PLS1: variants seen among roughly 807,000 people sequenced by gnomAD.
PLS1 encodes the protein plastin 1.
A neutral mutation model predicts 73.7 loss-of-function variants in PLS1; 32 were observed. The observed-to-expected ratio is 0.43, with a 90% CI of 0.33 to 0.58. The LOEUF (loss-of-function observed/expected upper bound fraction) is 0.58, where lower values mean the gene tolerates loss of function less well. PLS1 is among the 20% of genes least tolerant of loss of function. The pLI is 0.04. For missense variants in PLS1, 633 were observed against 740.5 expected, an observed-to-expected ratio of 0.85 and a Z score of 1.68; for synonymous variants, 217 against 261.3, an observed-to-expected ratio of 0.83 and a Z score of 1.63.
At chr3:142,645,830 T>G (rs2036941952) in intron 1 of PLS1, among the ~76,000 whole-genome samples, 1 of 152,210 alleles carries the variant, frequency 6.6e-6, no homozygotes, top group African/African-American at 2.4e-5. Flanking sequence ...ACAAAGCTTA[T>G]TTAAATCTTT....
intron 1 of PLS1, chr3:142,597,242 G>T (rs1248774852): frequency 1.3e-5 from 2 of 152,098 alleles, no homozygotes; most frequent in African/African-American, 4.8e-5. Context: ...TCCAGCCACG[G>T]TGTTGGATAC....
chr3:142,663,191 G>C (rs1207535883), intron 1 of PLS1, among the ~76,000 whole-genome samples: 1 of 151,910 alleles, frequency 6.6e-6, no homozygotes, highest in Non-Finnish European at 1.5e-5. Flanking sequence ...CTCCAGCCTG[G>C]GTGAAGAAGT....
In PLS1 at chr3:142,713,659, T is replaced by C. The variant is rs561522879; in HGVS notation, c.*1652T>C. 19 of 152,722 alleles carry C rather than the reference T, an allele frequency of 1.2e-4. No homozygotes were observed. The highest frequency in any genetic ancestry group is 2.4e-4 in the Non-Finnish European group (16 of 67,994). The allele number at this position is 152,722 out of a possible 1,614,324, so 9.5% of individuals were successfully genotyped here. A position where few individuals can be genotyped will look rare whatever the true frequency, so the allele number is the denominator to read the frequency against. On this transcript the variant is annotated 3_prime_UTR_variant, in exon 16 of 16. Coordinates refer to ENST00000457734, the MANE Select transcript of PLS1 (RefSeq NM_001145319.2). ...ATATTTAATAAAAATGCTGTGTATATAGAAATGTGTTTATATTTATTTCAT... is the reference window on the plus strand; with the variant it reads ...ATATTTAATAAAAATGCTGTGTATACAGAAATGTGTTTATATTTATTTCAT...
chr3:142,686,572 C>T (rs1338680749), intron 9 of PLS1, among the ~76,000 whole-genome samples, 196 bp downstream of exon 9: 1 of 152,102 alleles, frequency 6.6e-6, no homozygotes, highest in Non-Finnish European at 1.5e-5. Context: ...CAATAACTCC[C>T]CATTTTCCCC....
intron 1 of PLS1, among the ~76,000 whole-genome samples, chr3:142,600,914 ATATTTTTTTTTT>A (rs2035912758): frequency 5.3e-5 from 1 of 19,028 alleles, no homozygotes; most frequent in African/African-American, 2.7e-4. Flanking sequence ...ATATATATAT[ATATTTTTTTTTT>A]TTTTTTTTTT....
intron 1 of PLS1, among the ~76,000 whole-genome samples, chr3:142,613,045 C>T (rs866366615): frequency 3.3e-5 from 5 of 152,112 alleles, no homozygotes; most frequent in Non-Finnish European, 5.9e-5. Context: ...GGATTACAGG[C>T]GTGAGCCACC....
intron 1 of PLS1, among the ~76,000 whole-genome samples, chr3:142,630,061 T>C (rs147296534): frequency 2.2e-4 from 34 of 152,236 alleles, no homozygotes; most frequent in African/African-American, 5.8e-4. Flanking sequence ...GTAATTTAAC[T>C]GCATCCAAGA....
At chr3:142,653,847 T>G (rs1365605811) in intron 1 of PLS1, among the ~76,000 whole-genome samples, 3 of 152,210 alleles carry the variant, frequency 2.0e-5, no homozygotes, top group Non-Finnish European at 4.4e-5. Context: ...TTACAAAAAA[T>G]CAGTTTAAAT....
chr3:142,645,785 GA>G (rs1016079695), intron 1 of PLS1, among the ~76,000 whole-genome samples: 9 of 151,946 alleles, frequency 5.9e-5, no homozygotes, highest in African/African-American at 2.2e-4. Flanking sequence ...TTTTTCAGAG[GA>G]AAAAAATATG....
chr3:142,700,601 C>T (rs560637208), intron 12 of PLS1, among the ~76,000 whole-genome samples: 32 of 152,306 alleles, frequency 2.1e-4, no homozygotes, highest in African/African-American at 1.4e-4. Context: ...GGATTACAGG[C>T]GTGAGCCACT....
intron 8 of PLS1, 90 bp from the exon 9 acceptor site, chr3:142,686,194 G>C (rs1478713610): frequency 1.3e-6 from 1 of 761,208 alleles, no homozygotes. Flanking sequence ...TGAGATAGAG[G>C]CAATTTCTTC....
At chr3:142,639,688 A>G (rs2354858) in intron 1 of PLS1, among the ~76,000 whole-genome samples, 58,673 of 152,042 alleles carry the variant, frequency 0.39, 12,479 homozygotes, top group Non-Finnish European at 0.48. Flanking sequence ...AACTAGTTTG[A>G]AAGCTCGTGG....
At chr3:142,711,086 T>C (rs911891771) in intron 14 of PLS1, among the ~76,000 whole-genome samples, 1 of 152,222 alleles carries the variant, frequency 6.6e-6, no homozygotes, top group Non-Finnish European at 1.5e-5. Context: ...TAAGTGTTAG[T>C]TCCCTTTCAC....
chr3:142,654,485 T>C (rs2037173664), intron 1 of PLS1, among the ~76,000 whole-genome samples: 1 of 152,150 alleles, frequency 6.6e-6, no homozygotes, highest in Non-Finnish European at 1.5e-5. Flanking sequence ...AGTAGGACTA[T>C]AGGTGCGTAC....
At chr3:142,631,953 AT>A (rs781670299) in intron 1 of PLS1, among the ~76,000 whole-genome samples, 2 of 152,332 alleles carry the variant, frequency 1.3e-5, no homozygotes, top group East Asian at 3.9e-4. Flanking sequence ...GGAAGAAGAT[AT>A]TAGTAAATCA....
At chr3:142,631,664 G>GAAAAAAAAAAA (rs71153981) in intron 1 of PLS1, among the ~76,000 whole-genome samples, 1 of 39,430 alleles carries the variant, frequency 2.5e-5, no homozygotes, top group African/African-American at 1.0e-4. Context: ...CCTGTCTCTA[G>GAAAAAAAAAAA]AAAAAAAAAA....
At chr3:142,675,791 C>G (rs2037711388) in intron 4 of PLS1, among the ~76,000 whole-genome samples, 1 of 152,152 alleles carries the variant, frequency 6.6e-6, no homozygotes, top group South Asian at 2.1e-4. Context: ...CCTGAAGCCT[C>G]AGCCTCTCGA....
intron 10 of PLS1, among the ~76,000 whole-genome samples, chr3:142,694,148 C>A (rs2038144505): frequency 2.0e-5 from 3 of 151,462 alleles, no homozygotes; most frequent in South Asian, 4.2e-4. Flanking sequence ...TTAGTGAATC[C>A]CTTTTGCATC....
In PLS1 at chr3:142,684,224, G is replaced by T. The variant is rs1164709607; in HGVS notation, c.746-29G>T. On this transcript the variant is annotated intron_variant, in intron 7 of 15. Coordinates refer to ENST00000457734, the MANE Select transcript of PLS1 (RefSeq NM_001145319.2). The stretch of plus-strand genomic sequence containing the variant: ...CATTGACATGTACTTGCTATGGGAA[G>T]AATTTACATTTCGCTGTTTTGCCCT... 2.5e-6 allele frequency: 4 copies of T among 1,613,804 alleles called. No homozygotes were observed. In the Admixed American group the frequency reaches 6.7e-5, roughly 27 times the overall value.
Sources: gnomAD v4.1 joint callset for allele counts (sites outside exome capture counted in the v4.1 genomes callset) on GRCh38, gnomAD v4.1.1 for gene constraint, MANE v1.5 for transcripts, NCBI Gene and HGNC (gene_info 2026-07-23, HGNC 2026-07-21) for gene names.